Variants in HDAC9 observed in about 807,000 individuals in gnomAD.
HDAC9 encodes the protein MEF-2 interacting transcription repressor (MITR) protein.
A neutral mutation model predicts 139.4 loss-of-function variants in HDAC9; 41 were observed. The observed-to-expected ratio is 0.29, with a 90% CI of 0.23 to 0.38. The LOEUF (loss-of-function observed/expected upper bound fraction) is 0.38, where lower values mean the gene tolerates loss of function less well. HDAC9 is among the 10% of genes least tolerant of loss of function. The probability of loss-of-function intolerance (pLI) is 1.00; values close to 1 mark genes in which losing one functional copy is unlikely to be tolerated. For missense variants in HDAC9, 1,147 were observed against 1,297.0 expected (o/e 0.88, Z 1.78); for synonymous variants, 517 against 476.2 (o/e 1.09, Z -1.12).
At chr7:18,781,395 A>G (rs1038497127) in intron 16 of HDAC9, among the ~76,000 whole-genome samples, 2 of 151,926 alleles carry the variant, frequency 1.3e-5, no homozygotes. Context: ...AGTTCAGTTT[A>G]CTCTTCTGTA....
At chr7:18,365,037 G>A (rs1037066136) in intron 1 of HDAC9, among the ~76,000 whole-genome samples, 1 of 152,062 alleles carries the variant, frequency 6.6e-6, no homozygotes, top group African/African-American at 2.4e-5. Flanking sequence ...AAGAGATGGG[G>A]CAAAGAGTGT....
intron 12 of HDAC9, among the ~76,000 whole-genome samples, chr7:18,717,623 A>T (rs1784802178): frequency 6.6e-6 from 1 of 151,748 alleles, no homozygotes; most frequent in Non-Finnish European, 1.5e-5. Context: ...TGGAGATGGG[A>T]TTTCCCCATG....
intron 1 of HDAC9, among the ~76,000 whole-genome samples, chr7:18,351,193 T>C (rs1782820569): frequency 1.3e-5 from 2 of 152,208 alleles, no homozygotes; most frequent in Non-Finnish European, 1.5e-5. Flanking sequence ...ATTTACAAGA[T>C]AAAATGTAAT....
chr7:18,843,599 C>A (rs1796722081), intron 21 of HDAC9, among the ~76,000 whole-genome samples: 1 of 151,902 alleles, frequency 6.6e-6, no homozygotes, highest in African/African-American at 2.4e-5. Flanking sequence ...AGTTACTTAT[C>A]CTTTACTTCA....
At position 18,727,766 on chromosome 7, in the gene HDAC9, C is replaced by T. The variant is rs755240172; in HGVS notation, c.1909+9C>T. The T allele has an allele frequency of 6.7e-7, 1 of 1,500,668 alleles. No individual in the cohort carries two copies. The highest frequency in any genetic ancestry group is 1.4e-5 in the South Asian group (1 of 69,686). The allele number at this position is 1,500,668 out of a possible 1,614,324, so 93.0% of individuals were successfully genotyped here. ...GCCTGGCTCTGCAACTGGTAGGAAT[C>T]CCTAAAGACTCTCTCTAATAGGCAG... On this transcript the variant is annotated intron_variant, in intron 13 of 25. Coordinates refer to ENST00000686413, the MANE Select transcript of HDAC9 (RefSeq NM_178425.4).
At chr7:18,514,143 G>A (rs1273202964) in intron 2 of HDAC9, among the ~76,000 whole-genome samples, 1 of 152,096 alleles carries the variant, frequency 6.6e-6, no homozygotes, top group Non-Finnish European at 1.5e-5. Flanking sequence ...TCTGTGGTGT[G>A]TATATGCGTT....
chr7:18,536,529 T>G (rs562035944), intron 2 of HDAC9, among the ~76,000 whole-genome samples: 1 of 152,334 alleles, frequency 6.6e-6, no homozygotes, highest in Admixed American at 6.5e-5. Context: ...TGAGGAAACA[T>G]TCAGTTACAT....
intron 1 of HDAC9, among the ~76,000 whole-genome samples, chr7:18,394,017 ACTTTTT>A (rs1232790893): frequency 6.6e-6 from 1 of 152,160 alleles, no homozygotes; most frequent in African/African-American, 2.4e-5. Flanking sequence ...TTAAAGCTAG[ACTTTTT>A]TGGTTCCATA....
intron 1 of HDAC9, among the ~76,000 whole-genome samples, chr7:18,464,466 A>G (rs1011440574): frequency 6.6e-6 from 1 of 151,966 alleles, no homozygotes; most frequent in Non-Finnish European, 1.5e-5. Context: ...CATTATTTGT[A>G]TTACCTGTAG....
In HDAC9 at chr7:18,996,139, T is replaced by A; in HGVS notation, c.*77T>A. ...CCCCACCCCAGTACCCTCAGACATGTCTTGTCTGCTGCCTGGGTGGCACAG... is the reference window on the plus strand; with the variant it reads ...CCCCACCCCAGTACCCTCAGACATGACTTGTCTGCTGCCTGGGTGGCACAG... On this transcript the variant is annotated 3_prime_UTR_variant, in exon 26 of 26. Transcript: ENST00000686413. 9.3e-7 allele frequency: 1 copy of A among 1,070,360 alleles called. No individual in the cohort carries two copies. The highest frequency in any genetic ancestry group is 1.4e-6 in the Non-Finnish European group (1 of 714,432). The allele number at this position is 1,070,360 out of a possible 1,614,324, so 66.3% of individuals were successfully genotyped here.
At chr7:18,593,418 G>A (rs1012805909) in intron 5 of HDAC9, among the ~76,000 whole-genome samples, 5 of 152,064 alleles carry the variant, frequency 3.3e-5, no homozygotes, top group African/African-American at 1.2e-4. Flanking sequence ...CCAGAAGTCA[G>A]GAGATGGGAG....
intron 1 of HDAC9, among the ~76,000 whole-genome samples, chr7:18,294,747 G>C (rs1275195348): frequency 6.6e-6 from 1 of 152,150 alleles, no homozygotes; most frequent in Non-Finnish European, 1.5e-5. Context: ...ACTAGTTGCA[G>C]AGTGGAGAAT....
intron 1 of HDAC9, among the ~76,000 whole-genome samples, chr7:18,115,137 A>G (rs898263854): frequency 3.9e-5 from 6 of 152,034 alleles, no homozygotes; most frequent in Non-Finnish European, 7.4e-5. Context: ...TAAAAATGCA[A>G]AAAAAATTAG....
intron 13 of HDAC9, among the ~76,000 whole-genome samples, chr7:18,742,429 A>G (rs1323811752): frequency 6.6e-6 from 1 of 152,212 alleles, no homozygotes; most frequent in Non-Finnish European, 1.5e-5. Context: ...TAAGGTATGT[A>G]CATTGGTTTC....
At chr7:18,285,234 A>T (rs1029760443) in intron 2 of HDAC9, among the ~76,000 whole-genome samples, 1 of 151,798 alleles carries the variant, frequency 6.6e-6, no homozygotes, top group Admixed American at 6.6e-5. Context: ...CATAATGTAT[A>T]TTTTTCTATC....
intron 1 of HDAC9, among the ~76,000 whole-genome samples, chr7:18,414,070 T>G (rs1219540324): frequency 6.6e-6 from 1 of 152,160 alleles, no homozygotes; most frequent in Non-Finnish European, 1.5e-5. Flanking sequence ...GAACGGCGTT[T>G]TAAAACTGAG....
chr7:18,146,273 A>G (rs930156573), intron 1 of HDAC9, among the ~76,000 whole-genome samples: 1 of 152,168 alleles, frequency 6.6e-6, no homozygotes, highest in Non-Finnish European at 1.5e-5. Flanking sequence ...CTAATAGTCC[A>G]TTAGTACGTT....
At chr7:18,144,475 C>T (rs1328817166) in intron 1 of HDAC9, among the ~76,000 whole-genome samples, 2 of 152,172 alleles carry the variant, frequency 1.3e-5, no homozygotes, top group African/African-American at 4.8e-5. Flanking sequence ...TGGTTCAACC[C>T]CACTCCTATT....
At chr7:18,386,032 T>G (rs1785899382) in intron 1 of HDAC9, among the ~76,000 whole-genome samples, 1 of 152,208 alleles carries the variant, frequency 6.6e-6, no homozygotes, top group Non-Finnish European at 1.5e-5. Flanking sequence ...TGATTATACT[T>G]ATTCATTTTC....
Sources: gnomAD v4.1 joint callset for allele counts (sites outside exome capture counted in the v4.1 genomes callset) on GRCh38, gnomAD v4.1.1 for gene constraint, MANE v1.5 for transcripts, NCBI Gene and HGNC (gene_info 2026-07-23, HGNC 2026-07-21) for gene names.